ZBTB16: variants seen among roughly 807,000 people sequenced by gnomAD.
The protein encoded by ZBTB16 is zinc finger and BTB domain containing 16.
A neutral mutation model predicts 56.8 loss-of-function variants in ZBTB16; 8 were observed. The observed-to-expected ratio is 0.14, with a 90% CI of 0.08 to 0.25. The LOEUF (loss-of-function observed/expected upper bound fraction) is 0.25, where lower values mean the gene tolerates loss of function less well. Ranked by LOEUF, ZBTB16 falls within the 10% of genes least tolerant of loss-of-function variation. The probability of loss-of-function intolerance (pLI) is 1.00; values close to 1 mark genes in which losing one functional copy is unlikely to be tolerated. For synonymous variants in ZBTB16, 363 were observed against 368.5 expected (o/e 0.98, Z 0.17); for missense variants, 625 against 903.0 (o/e 0.69, Z 3.95).
intron 5 of ZBTB16, 84 bp from the exon 6 acceptor site, chr11:114,247,111 CCTT>C: frequency 1.9e-6 from 3 of 1,588,964 alleles, no homozygotes; most frequent in Non-Finnish European, 2.6e-6. Flanking sequence ...GCCGTCGCAT[CCTT>C]CTCATGCACA....
intron 4 of ZBTB16, among the ~76,000 whole-genome samples, chr11:114,241,016 C>T (rs1304145517): frequency 6.6e-6 from 1 of 152,198 alleles, no homozygotes; most frequent in Admixed American, 6.5e-5. Context: ...CATGTTTCCT[C>T]CTGGCCCAGA....
chr11:114,121,538 G>T (rs1488993107), intron 2 of ZBTB16, among the ~76,000 whole-genome samples: 1 of 152,148 alleles, frequency 6.6e-6, no homozygotes, highest in Non-Finnish European at 1.5e-5. Context: ...CACTCATACT[G>T]CTGCCATTGG....
chr11:114,166,026 A>G (rs1380108548), intron 3 of ZBTB16, among the ~76,000 whole-genome samples: 1 of 152,114 alleles, frequency 6.6e-6, no homozygotes, highest in East Asian at 1.9e-4. Flanking sequence ...GCAACCAGGT[A>G]GGCAGCCACT....
intron 3 of ZBTB16, among the ~76,000 whole-genome samples, chr11:114,182,855 T>C (rs546120158): frequency 1.7e-4 from 26 of 152,348 alleles, no homozygotes; most frequent in African/African-American, 6.3e-4. Context: ...GAACAACATA[T>C]GCACAGTAAA....
At chr11:114,224,347 G>A (rs1176636523) in intron 4 of ZBTB16, among the ~76,000 whole-genome samples, 1 of 152,196 alleles carries the variant, frequency 6.6e-6, no homozygotes, top group Admixed American at 6.5e-5. Context: ...CACTTTTCTT[G>A]CTTGGGCAAC....
rs570528299 is a variant in ZBTB16, at chr11:114,064,000, C to T, written c.700C>T (p.Arg234Trp). The T allele has an allele frequency of 1.4e-5, 23 of 1,613,170 alleles. No individual in the cohort carries two copies. The Admixed American group carries it at 2.2e-4, about 15-fold the overall frequency. ...GGAGCCAACTCTGGCTGGGGGTGGG[C>T]GGCACCCTGGGGTGGCTGAGGTGAA... ...PEEPTLAGGG[R>W]HPGVAEVKTE... The change falls in exon 2 of 7, where the codon CGG (arginine) becomes TGG (tryptophan). Residue 234 changes from arginine to tryptophan, a missense_variant. By Grantham distance (101) the Arg-to-Trp change is moderately radical. This residue lies in a region of ZBTB16 where 384 missense variants were observed against 393.5 expected (regional missense o/e 0.98). Coordinates refer to ENST00000335953, the MANE Select transcript of ZBTB16 (RefSeq NM_006006.6). This position sits in a 1 kb window ranked among gnomAD's most constrained non-coding sequence, Gnocchi z 6.5.
intron 3 of ZBTB16, 116 bp downstream of exon 3, chr11:114,156,550 G>T (rs1942417177): frequency 2.1e-6 from 2 of 957,636 alleles, no homozygotes; most frequent in African/African-American, 1.6e-5. Flanking sequence ...CTGGGGCCCT[G>T]GTCCATCTTG....
chr11:114,062,229 G>A (rs1938907892), intron 1 of ZBTB16, among the ~76,000 whole-genome samples: 1 of 151,838 alleles, frequency 6.6e-6, no homozygotes, highest in Non-Finnish European at 1.5e-5. Context: ...TCAGCCTCCC[G>A]AGTAGCTGGG....
intron 3 of ZBTB16, among the ~76,000 whole-genome samples, chr11:114,179,133 A>G (rs554192550): frequency 5.9e-5 from 9 of 152,140 alleles, no homozygotes; most frequent in East Asian, 3.9e-4. Context: ...GGACCTATCA[A>G]TGGGGCTGGT....
At chr11:114,099,146 A>C (rs1940520089) in intron 2 of ZBTB16, among the ~76,000 whole-genome samples, 1 of 152,172 alleles carries the variant, frequency 6.6e-6, no homozygotes, top group Non-Finnish European at 1.5e-5. Context: ...CTGTTTGTTA[A>C]AGCTGCATTT....
At chr11:114,195,410 T>C (rs1319151323) in intron 4 of ZBTB16, among the ~76,000 whole-genome samples, 3 of 152,034 alleles carry the variant, frequency 2.0e-5, no homozygotes, top group Admixed American at 6.5e-5. Flanking sequence ...CCAGAGAGAC[T>C]GAGGGAGTCA....
intron 4 of ZBTB16, among the ~76,000 whole-genome samples, chr11:114,205,664 A>C (rs892041423): frequency 4.6e-5 from 7 of 152,238 alleles, no homozygotes; most frequent in African/African-American, 1.4e-4. Context: ...GAGAGTTTTA[A>C]GATAGCAATT....
In ZBTB16 at chr11:114,186,843, G is replaced by A. The variant is rs553544390; in HGVS notation, c.1367-109G>A. The A allele has an allele frequency of 8.3e-5, 84 of 1,014,710 alleles. 2 individuals are homozygous for A. The highest frequency in any genetic ancestry group is 2.0e-4 in the South Asian group (15 of 75,870). The allele number at this position is 1,014,710 out of a possible 1,614,324, so 62.9% of individuals were successfully genotyped here. ...ATGATCCCTCACTCAGGATTTTTGC[G>A]GGTGTCCAGTCCCCTTCCCTAGTGT... On this transcript the variant is annotated intron_variant, in intron 3 of 6. Transcript: ENST00000335953.
intron 3 of ZBTB16, among the ~76,000 whole-genome samples, chr11:114,161,530 A>G (rs569229140): frequency 1.2e-4 from 18 of 152,298 alleles, no homozygotes; most frequent in African/African-American, 4.1e-4. Context: ...GGAGAAATTC[A>G]GAGTAGGAGA....
At chr11:114,233,077 GCGCGCACACA>G (rs1162753582) in intron 4 of ZBTB16, among the ~76,000 whole-genome samples, 14 of 35,746 alleles carry the variant, frequency 3.9e-4, no homozygotes, top group Admixed American at 7.6e-4. Context: ...GCGCGCGCGC[GCGCGCACACA>G]CACACACACA....
chr11:114,150,448 A>T (rs1222059198), intron 2 of ZBTB16, among the ~76,000 whole-genome samples: 1 of 152,208 alleles, frequency 6.6e-6, no homozygotes, highest in Admixed American at 6.5e-5. Flanking sequence ...CAGCCCAGAC[A>T]ACATAGCAAG....
At chr11:114,213,604 G>A (rs536849000) in intron 4 of ZBTB16, among the ~76,000 whole-genome samples, 15 of 152,364 alleles carry the variant, frequency 9.8e-5, no homozygotes, top group African/African-American at 3.6e-4. Flanking sequence ...ACCTCAGACT[G>A]TGTTATTTGG....
At position 114,237,987 on chromosome 11, in the gene ZBTB16, A is replaced by G. The variant is rs939223965; in HGVS notation, c.1454-4180A>G. ...ACCCCTGCACCTTGTGGAATGTCCC[A>G]GGAAGGGGAGAGAGACCACTGTAGG... On this transcript the variant is annotated intron_variant, in intron 4 of 6. Transcript: ENST00000335953. Among the ~76,000 whole-genome samples, 7 of 152,238 alleles carry G rather than the reference A, an allele frequency of 4.6e-5. No individual in the cohort carries two copies. The East Asian group carries it at 1.2e-3, about 25-fold the overall frequency.
At chr11:114,074,604 G>A (rs1226099694) in intron 2 of ZBTB16, among the ~76,000 whole-genome samples, 1 of 152,196 alleles carries the variant, frequency 6.6e-6, no homozygotes, top group Non-Finnish European at 1.5e-5. Context: ...CTTGTTTCTT[G>A]CCGATGTACC....
Sources: gnomAD v4.1 joint callset for allele counts (sites outside exome capture counted in the v4.1 genomes callset) on GRCh38, gnomAD v4.1.1 for gene constraint, gnomAD v4.1.1 regional missense constraint, Gnocchi (gnomAD v3.1) non-coding constraint, MANE v1.5 for transcripts, NCBI Gene and HGNC (gene_info 2026-07-23, HGNC 2026-07-21) for gene names.